COX15: variants seen among roughly 807,000 people sequenced by gnomAD.
COX15 encodes the protein cytochrome c oxidase assembly factor COX15, also known as heme A synthase COX15.
In COX15, 51 loss-of-function variants were observed where a neutral mutation model predicts 51.9. That is an observed-to-expected ratio of 0.98 (90% CI 0.78 to 1.24). COX15 has a LOEUF of 1.24. Ranked by LOEUF, COX15 falls within the 50% of genes most tolerant of loss-of-function variation. The pLI is 0.00. For missense variants in COX15, 420 were observed against 501.1 expected (o/e 0.84, Z 1.55); for synonymous variants, 188 against 190.5 (o/e 0.99, Z 0.11).
chr10:99,697,714 TC>T, the COX15 span: 4 of 161,280 alleles, frequency 2.5e-5, no homozygotes, highest in African/African-American at 9.6e-5. Flanking sequence ...ACTGCCTCAT[TC>T]CATTCTCACC....
chr10:99,722,254 CA>C (rs2036799643), intron 5 of COX15, among the ~76,000 whole-genome samples: 2 of 152,164 alleles, frequency 1.3e-5, no homozygotes, highest in African/African-American at 4.8e-5. Flanking sequence ...GGTAGCATCT[CA>C]AATCCTTTTT....
chr10:99,700,851 T>C, the COX15 span: 157 of 782,680 alleles, frequency 2.0e-4, 2 homozygotes, highest in South Asian at 2.2e-3. Context: ...ACACCATTTC[T>C]GTTTTCCTTT....
intron 2 of COX15, among the ~76,000 whole-genome samples, chr10:99,728,566 C>G (rs1196780621): frequency 2.0e-5 from 3 of 152,156 alleles, no homozygotes; most frequent in South Asian, 4.1e-4. Flanking sequence ...TTTTGCTACG[C>G]TAATGAAATA....
chr10:99,726,899 A>AAC, intron 4 of COX15, 69 bp downstream of exon 4: 1 of 1,475,862 alleles, frequency 6.8e-7, no homozygotes, highest in South Asian at 1.2e-5. Flanking sequence ...AAAAAAAAAA[A>AAC]AAAAAAACAA....
intron 4 of COX15, among the ~76,000 whole-genome samples, chr10:99,725,300 G>A (rs917047933): frequency 6.6e-6 from 1 of 152,150 alleles, no homozygotes; most frequent in East Asian, 1.9e-4. Flanking sequence ...TAATTACCTT[G>A]ATTTCATCTG....
Position 99,713,968 on chromosome 10 carries a change from T to C in COX15, c.*619A>G, listed in dbSNP as rs1289690286. ...CCTGGGCAACAAGAGTGAAACTCTGTCTCAAAAAAAAAAAAAAAAATGGAA... is the reference window on the plus strand; with the variant it reads ...CCTGGGCAACAAGAGTGAAACTCTGCCTCAAAAAAAAAAAAAAAAATGGAA... On this transcript the variant is annotated 3_prime_UTR_variant, in exon 9 of 9. Coordinates refer to ENST00000016171, the MANE Select transcript of COX15 (RefSeq NM_078470.6). 6.5e-5 allele frequency: 55 copies of C among 846,776 alleles called. No homozygotes were observed. The African/African-American group carries it at 9.1e-4, about 14-fold the overall frequency. The allele number at this position is 846,776 out of a possible 1,614,324, so 52.5% of individuals were successfully genotyped here. A position where few individuals can be genotyped will look rare whatever the true frequency, so the allele number is the denominator to read the frequency against.
In COX15 at chr10:99,714,429, C is replaced by A; in HGVS notation, c.*158G>T. 1 of 1,502,390 alleles carries A rather than the reference C, an allele frequency of 6.7e-7. No individual in the cohort carries two copies. The allele number at this position is 1,502,390 out of a possible 1,614,324, so 93.1% of individuals were successfully genotyped here. ...AACCACACTTAATGCATTCTTGATC[C>A]AGTGACTATCTCAAAACAGGAAAAG... On this transcript the variant is annotated 3_prime_UTR_variant, in exon 9 of 9. Transcript: ENST00000016171.
At chr10:99,705,056 T>A in the COX15 span, 1 of 239,948 alleles carries the variant, frequency 4.2e-6, no homozygotes, top group Non-Finnish European at 8.3e-6. Context: ...AAATGAAATT[T>A]GTAGCATCTG....
At chr10:99,730,793 G>A (rs1356053986) in intron 1 of COX15, among the ~76,000 whole-genome samples, 1 of 152,172 alleles carries the variant, frequency 6.6e-6, no homozygotes, top group African/African-American at 2.4e-5. Context: ...AGGTGCAACG[G>A]CTCAAGCCTA....
intron 4 of COX15, among the ~76,000 whole-genome samples, chr10:99,725,989 T>C (rs1350648294): frequency 3.3e-5 from 5 of 152,222 alleles, no homozygotes; most frequent in Admixed American, 2.0e-4. Context: ...CAAATACTCC[T>C]ATGTGTCTTC....
intron 8 of COX15, among the ~76,000 whole-genome samples, chr10:99,715,491 A>G (rs1186403510): frequency 7.4e-6 from 1 of 135,370 alleles, no homozygotes; most frequent in African/African-American, 2.8e-5. Context: ...TCACAATTCT[A>G]TGATGAATTT....
At chr10:99,729,782 T>G (rs772365588) in intron 1 of COX15, 48 bp from the exon 2 acceptor site, 1 of 1,590,930 alleles carries the variant, frequency 6.3e-7, no homozygotes, top group South Asian at 1.1e-5. Flanking sequence ...AGGGAATGGC[T>G]GCTACCCACA....
At chr10:99,695,844 G>T in the COX15 span, 4 of 961,370 alleles carry the variant, frequency 4.2e-6, no homozygotes, top group African/African-American at 6.7e-5. Flanking sequence ...GAATGCTTAA[G>T]ATGTTTTAAA....
chr10:99,725,240 G>A (rs768255381), intron 4 of COX15, among the ~76,000 whole-genome samples: 1 of 152,076 alleles, frequency 6.6e-6, no homozygotes, highest in Non-Finnish European at 1.5e-5. Context: ...TACTCTTCAG[G>A]AAATCTTTTT....
chr10:99,727,316 A>G, intron 3 of COX15, 125 bp downstream of exon 3: 1 of 1,497,844 alleles, frequency 6.7e-7, no homozygotes, highest in South Asian at 1.1e-5. Context: ...GGGGGCTTAG[A>G]AGACAAGCTG....
the COX15 span, among the ~76,000 whole-genome samples, chr10:99,704,089 G>C: frequency 6.6e-6 from 1 of 152,158 alleles, no homozygotes; most frequent in African/African-American, 2.4e-5. Flanking sequence ...GGATTCAGGG[G>C]ATACCCTATT....
At chr10:99,731,381 T>C (rs1709001641) in intron 1 of COX15, among the ~76,000 whole-genome samples, 1 of 152,222 alleles carries the variant, frequency 6.6e-6, no homozygotes, top group Non-Finnish European at 1.5e-5. Context: ...GGCAGGAGTC[T>C]TGTAATATTT....
At chr10:99,727,781 T>G (rs1419868451) in intron 2 of COX15, among the ~76,000 whole-genome samples, 1 of 152,192 alleles carries the variant, frequency 6.6e-6, no homozygotes, top group Non-Finnish European at 1.5e-5. Context: ...TCTCAATCCT[T>G]TTATTCAACT....
chr10:99,708,381 A>C (rs2036292229), downstream of COX15, among the ~76,000 whole-genome samples: 1 of 152,222 alleles, frequency 6.6e-6, no homozygotes, highest in South Asian at 2.1e-4. Context: ...CAGGGATGAA[A>C]GACAAGTGAG....
Sources: gnomAD v4.1 joint callset for allele counts (sites outside exome capture counted in the v4.1 genomes callset) on GRCh38, gnomAD v4.1.1 for gene constraint, MANE v1.5 for transcripts, NCBI Gene and HGNC (gene_info 2026-07-23, HGNC 2026-07-21) for gene names.